Variants in CDH13 observed in about 807,000 individuals in gnomAD.
The protein encoded by CDH13 is cadherin-13.
CDH13 carries 24 observed loss-of-function variants against 63.8 expected under a neutral mutation model. That is an observed-to-expected ratio of 0.38 (90% CI 0.27 to 0.53). The LOEUF is 0.53. Among genes scored for constraint, CDH13 ranks in the 20% least tolerant of loss-of-function variants. The pLI, the probability that CDH13 is intolerant of heterozygous loss-of-function variation, is 0.85. For synonymous variants in CDH13, 503 were observed against 355.3 expected, an observed-to-expected ratio of 1.42 and a Z score of -4.67; for missense variants, 1,049 against 903.1, an observed-to-expected ratio of 1.16 and a Z score of -2.07.
At chr16:83,643,834 G>A (rs934759796) in intron 8 of CDH13, among the ~76,000 whole-genome samples, 9 of 152,116 alleles carry the variant, frequency 5.9e-5, no homozygotes, top group African/African-American at 1.9e-4. Context: ...ACAGCATCCT[G>A]GAGAGCCCCC....
chr16:83,221,244 G>T (rs1440008342), intron 5 of CDH13, among the ~76,000 whole-genome samples: 1 of 152,150 alleles, frequency 6.6e-6, no homozygotes, highest in African/African-American at 2.4e-5. Flanking sequence ...TTGGCTGGCT[G>T]GGTGATCTAT....
intron 7 of CDH13, among the ~76,000 whole-genome samples, chr16:83,505,265 A>G (rs1007893501): frequency 2.6e-5 from 4 of 152,226 alleles, no homozygotes; most frequent in African/African-American, 4.8e-5. Context: ...CATAATGCCT[A>G]GCGGGCGTTA....
intron 7 of CDH13, among the ~76,000 whole-genome samples, chr16:83,580,489 TC>T (rs1905478024): frequency 1.7e-5 from 2 of 115,762 alleles, no homozygotes; most frequent in East Asian, 2.1e-4. Flanking sequence ...TCTCTCTCTC[TC>T]TCTCTCTCTC....
intron 1 of CDH13, among the ~76,000 whole-genome samples, chr16:82,805,698 A>T (rs902121516): frequency 6.6e-6 from 1 of 152,194 alleles, no homozygotes; most frequent in Non-Finnish European, 1.5e-5. Context: ...AACCCTTCTC[A>T]TAGTCTGGTG....
intron 6 of CDH13, among the ~76,000 whole-genome samples, chr16:83,353,729 A>G (rs894624300): frequency 6.6e-6 from 1 of 152,178 alleles, no homozygotes; most frequent in Admixed American, 6.5e-5. Context: ...GGACTAGCCT[A>G]TGTATCTGCC....
intron 6 of CDH13, among the ~76,000 whole-genome samples, chr16:83,456,456 C>T (rs1008738682): frequency 6.6e-5 from 10 of 152,096 alleles, no homozygotes; most frequent in African/African-American, 1.2e-4. Flanking sequence ...ACGTGAAAGA[C>T]GTCATGACAG....
At chr16:83,581,633 C>G (rs185091970) in intron 7 of CDH13, among the ~76,000 whole-genome samples, 2 of 152,096 alleles carry the variant, frequency 1.3e-5, no homozygotes, top group Non-Finnish European at 2.9e-5. Context: ...GCCTAGTCAA[C>G]GTGGTGAAAT....
rs536895792 is a variant in CDH13 at position 82,872,144 on chromosome 16, C to T, written c.157+13671C>T. 2.6e-5 allele frequency among the ~76,000 whole-genome samples: 4 copies of T among 152,188 alleles called. No homozygotes were observed. In the South Asian group the frequency reaches 6.2e-4, roughly 24 times the overall value. ...TTGCTAAGGTCCCATTAAGTACTAA[C>T]GTCTTATGACCGCAGACTGTGCCCC... On this transcript the variant is annotated intron_variant, in intron 2 of 13. Transcript: ENST00000567109.
intron 2 of CDH13, among the ~76,000 whole-genome samples, chr16:83,005,066 T>C (rs1412918454): frequency 1.3e-5 from 2 of 152,182 alleles, no homozygotes; most frequent in Admixed American, 6.5e-5. Flanking sequence ...CTGAGTCACA[T>C]GGCTATGGCC....
chr16:83,223,852 A>T (rs774356692), intron 5 of CDH13, among the ~76,000 whole-genome samples: 3 of 152,080 alleles, frequency 2.0e-5, no homozygotes, highest in Admixed American at 2.0e-4. Flanking sequence ...TTTTAATTCC[A>T]TGGGTTTTTG....
intron 6 of CDH13, among the ~76,000 whole-genome samples, chr16:83,468,296 A>G (rs929222673): frequency 1.3e-5 from 2 of 152,160 alleles, no homozygotes; most frequent in South Asian, 4.1e-4. Flanking sequence ...GCACAGAAGC[A>G]CAGGCAAGGT....
intron 3 of CDH13, among the ~76,000 whole-genome samples, chr16:83,050,273 A>T (rs4077969): frequency 0.021 from 3,223 of 152,232 alleles, 123 homozygotes; most frequent in African/African-American, 0.074. Flanking sequence ...TGATAATTCT[A>T]TGTTCAACTC....
At chr16:83,168,362 T>A (rs2037775365) in intron 4 of CDH13, among the ~76,000 whole-genome samples, 1 of 152,014 alleles carries the variant, frequency 6.6e-6, no homozygotes, top group South Asian at 2.1e-4. Flanking sequence ...CATACATGTA[T>A]GTATGTGTAT....
intron 1 of CDH13, among the ~76,000 whole-genome samples, chr16:82,727,247 C>T (rs1351283756): frequency 6.6e-6 from 1 of 152,164 alleles, no homozygotes; most frequent in African/African-American, 2.4e-5. Context: ...GCACTGGGGG[C>T]ATCCCTGTTG....
intron 3 of CDH13, among the ~76,000 whole-genome samples, chr16:83,103,208 C>G (rs2034586647): frequency 6.7e-6 from 1 of 148,396 alleles, no homozygotes. Flanking sequence ...CCACCTCAAC[C>G]TCCCAAAGTA....
At chr16:83,785,521 A>G (rs1915822054) in intron 13 of CDH13, among the ~76,000 whole-genome samples, 1 of 152,180 alleles carries the variant, frequency 6.6e-6, no homozygotes, top group Admixed American at 6.5e-5. Context: ...AGATACCATG[A>G]ATTTATAGCA....
chr16:83,387,838 G>T (rs1213485083), intron 6 of CDH13, among the ~76,000 whole-genome samples: 1 of 152,096 alleles, frequency 6.6e-6, no homozygotes, highest in Non-Finnish European at 1.5e-5. Flanking sequence ...CTTTGCCTTG[G>T]TTTGCAGTGT....
chr16:83,020,095 C>T (rs530107746), intron 2 of CDH13, among the ~76,000 whole-genome samples: 1 of 152,282 alleles, frequency 6.6e-6, no homozygotes, highest in African/African-American at 2.4e-5. Context: ...TACGGGATTG[C>T]TATCATATAT....
chr16:83,620,006 G>A (rs1215519528), intron 8 of CDH13, among the ~76,000 whole-genome samples: 1 of 152,138 alleles, frequency 6.6e-6, no homozygotes, highest in East Asian at 1.9e-4. Flanking sequence ...GTGTGAGGCT[G>A]GAGAGGGCGG....
Sources: allele counts gnomAD v4.1 joint callset (sites outside exome capture counted in the v4.1 genomes callset), GRCh38; gene constraint gnomAD v4.1.1; transcripts MANE v1.5; gene names NCBI Gene and HGNC (gene_info 2026-07-23, HGNC 2026-07-21).